The following CCAR1 variants were observed in gnomAD, a reference collection of about 807,000 sequenced individuals.
The protein encoded by CCAR1 is cell division cycle and apoptosis regulator 1, also known as cell division cycle and apoptosis regulator protein 1.
A neutral mutation model predicts 163.8 loss-of-function variants in CCAR1; 78 were observed. The observed-to-expected ratio is 0.48, with a 90% CI of 0.40 to 0.57. CCAR1 has a LOEUF of 0.57. CCAR1 is among the 20% of genes least tolerant of loss of function. The pLI is 0.00. For synonymous variants in CCAR1, 443 were observed against 460.7 expected, an observed-to-expected ratio of 0.96 and a Z score of 0.49; for missense variants, 1,019 against 1,365.2, an observed-to-expected ratio of 0.75 and a Z score of 4.00.
At chr10:68,762,322 C>CT (rs945650945) in intron 16 of CCAR1, among the ~76,000 whole-genome samples, 25 of 80,552 alleles carry the variant, frequency 3.1e-4, no homozygotes. Flanking sequence ...GAGTGAGACT[C>CT]TGTCTAAAAA....
intron 10 of CCAR1, among the ~76,000 whole-genome samples, chr10:68,751,606 T>G (rs1368467178): frequency 6.6e-6 from 1 of 151,190 alleles, no homozygotes; most frequent in Admixed American, 6.6e-5. Flanking sequence ...CTGACGCCTG[T>G]AATCCCAGCA....
chr10:68,760,019 A>T (rs564195793), intron 15 of CCAR1, among the ~76,000 whole-genome samples: 1 of 151,548 alleles, frequency 6.6e-6, no homozygotes, highest in Non-Finnish European at 1.5e-5. Context: ...TTCTAAAGAG[A>T]TGGGGTTTTG....
chr10:68,746,752 A>G (rs2056261206), intron 6 of CCAR1, among the ~76,000 whole-genome samples: 2 of 151,520 alleles, frequency 1.3e-5, no homozygotes, highest in Admixed American at 1.3e-4. Context: ...TAATTTTTGT[A>G]TTATTACTAG....
intron 1 of CCAR1, 110 bp downstream of exon 1, chr10:68,721,392 C>T (rs943514009): frequency 1.0e-5 from 3 of 285,934 alleles, no homozygotes; most frequent in African/African-American, 4.8e-5. Flanking sequence ...AGCCCGGCGG[C>T]CCCGGGCGGC....
intron 19 of CCAR1, among the ~76,000 whole-genome samples, chr10:68,781,683 C>CT (rs1401789929): frequency 2.0e-5 from 3 of 151,884 alleles, no homozygotes; most frequent in Non-Finnish European, 4.4e-5. Context: ...AGTGATACCC[C>CT]ATCTCTACAA....
At chr10:68,747,633 A>G in intron 8 of CCAR1, 67 bp downstream of exon 8, 1 of 1,409,882 alleles carries the variant, frequency 7.1e-7, no homozygotes, top group Non-Finnish European at 9.7e-7. Context: ...CTATGCTTTT[A>G]ATTACAAAAA....
At chr10:68,735,157 G>A (rs1193284789) in intron 2 of CCAR1, among the ~76,000 whole-genome samples, 2 of 152,084 alleles carry the variant, frequency 1.3e-5, no homozygotes, top group Non-Finnish European at 2.9e-5. Context: ...AGACCAGCCT[G>A]GGAAACATAA....
chr10:68,774,483 C>A (rs887022366), intron 19 of CCAR1, among the ~76,000 whole-genome samples: 1 of 151,632 alleles, frequency 6.6e-6, no homozygotes, highest in Admixed American at 6.6e-5. Flanking sequence ...ACTAAAAATA[C>A]AAAAAATTAG....
intron 19 of CCAR1, among the ~76,000 whole-genome samples, chr10:68,781,403 C>CGCG (rs1285508581): frequency 3.3e-5 from 5 of 149,348 alleles, no homozygotes; most frequent in Non-Finnish European, 7.4e-5. Flanking sequence ...ATTAGCCGGG[C>CGCG]GTGGTGGCGG....
chr10:68,727,307 G>GCT (rs2055963133), intron 2 of CCAR1, among the ~76,000 whole-genome samples: 1 of 151,850 alleles, frequency 6.6e-6, no homozygotes, highest in Non-Finnish European at 1.5e-5. Flanking sequence ...GAATTCCTGA[G>GCT]CTCAGACAAT....
chr10:68,725,577 G>C (rs576891507), intron 2 of CCAR1, among the ~76,000 whole-genome samples: 2 of 151,424 alleles, frequency 1.3e-5, no homozygotes, highest in Admixed American at 6.6e-5. Flanking sequence ...TTTTTTACTT[G>C]AATGAAACCA....
chr10:68,765,654 T>A (rs2056526920), intron 16 of CCAR1, among the ~76,000 whole-genome samples: 1 of 152,164 alleles, frequency 6.6e-6, no homozygotes, highest in Non-Finnish European at 1.5e-5. Flanking sequence ...TACAAGGCAG[T>A]TTCTTATGCT....
intron 2 of CCAR1, among the ~76,000 whole-genome samples, chr10:68,723,018 G>T (rs559503899): frequency 6.6e-6 from 1 of 151,926 alleles, no homozygotes; most frequent in Non-Finnish European, 1.5e-5. Flanking sequence ...TCTCTGTGAA[G>T]CTCCTTTAAA....
Position 68,786,201 on chromosome 10 carries a change from A to T in CCAR1, c.2716A>T (p.Arg906Trp). Residue 906 changes from arginine (R) to tryptophan (W), a missense_variant, in exon 20 of 25, where the codon AGG (arginine) becomes TGG (tryptophan). This residue lies in a region of CCAR1 where 358 missense variants were observed against 406.4 expected (regional missense o/e 0.88). Coordinates refer to ENST00000265872, the MANE Select transcript of CCAR1 (RefSeq NM_018237.4). Reference protein sequence around the residue: ...KRDINRYCKERPSKDKEKEKT... With the variant: ...KRDINRYCKEWPSKDKEKEKT... The stretch of plus-strand genomic sequence containing the variant: ...AGATATCAACAGATACTGCAAGGAG[A>T]GGCCCTCTAAAGATAAGGTGTTTAT... 1 of 1,607,420 alleles carries T rather than the reference A, an allele frequency of 6.2e-7. No individual in the cohort carries two copies. Among genetic ancestry groups the T allele is most frequent in the Middle Eastern group, 1.7e-4 (1 of 5,814 alleles).
Position 68,740,627 on chromosome 10 carries a change from A to G in CCAR1, c.292-2A>G, listed in dbSNP as rs1201853982. ...TGTGTGTGTTTATTTTTCTGTTTTC[A>G]GTTACAGCAACCCCAGCAAACCCTC... On this transcript the variant is annotated splice_acceptor_variant, in intron 4 of 24. Coordinates refer to ENST00000265872, the MANE Select transcript of CCAR1 (RefSeq NM_018237.4). LOFTEE classifies it high-confidence loss of function. 3.1e-6 allele frequency: 5 copies of G among 1,610,826 alleles called. No homozygotes were observed. The highest frequency in any genetic ancestry group is 4.2e-6 in the Non-Finnish European group (5 of 1,178,258).
intron 16 of CCAR1, 73 bp downstream of exon 16, chr10:68,761,265 T>G (rs1304353606): frequency 7.1e-6 from 5 of 704,042 alleles, no homozygotes; most frequent in Non-Finnish European, 1.1e-5. Context: ...AATACGTGAG[T>G]TAAGATTATG....
In CCAR1 at chr10:68,789,909, C is replaced by G. The variant is rs1164584364; in HGVS notation, c.3387C>G (p.Leu1129=). The part of the protein sequence containing the change: ...STVMDEIHTV[L]KKDNVKNEDK... ...TAATGGATGAAATCCACACTGTTCTCAAGAAGGTGAGAAATTTTGTACTTT... is the reference window on the plus strand; with the variant it reads ...TAATGGATGAAATCCACACTGTTCTGAAGAAGGTGAGAAATTTTGTACTTT... Residue 1129 remains leucine (L), a synonymous_variant, in exon 24 of 25, where the codon CTC becomes CTG. Transcript: ENST00000265872. 3 of 1,544,298 alleles carry G rather than the reference C, an allele frequency of 1.9e-6. No individual in the cohort carries two copies. The highest frequency in any genetic ancestry group is 2.3e-5 in the East Asian group (1 of 43,722).
At chr10:68,765,603 T>G (rs2056526113) in intron 16 of CCAR1, among the ~76,000 whole-genome samples, 1 of 152,196 alleles carries the variant, frequency 6.6e-6, no homozygotes, top group South Asian at 2.1e-4. Flanking sequence ...GAGAATTTTC[T>G]AATTTATATA....
At chr10:68,750,083 A>G (rs1361259485) in intron 10 of CCAR1, among the ~76,000 whole-genome samples, 1 of 152,194 alleles carries the variant, frequency 6.6e-6, no homozygotes, top group African/African-American at 2.4e-5. Context: ...AGAAACATTG[A>G]TATGCGTATA....
Sources: gnomAD v4.1 joint callset for allele counts (sites outside exome capture counted in the v4.1 genomes callset) on GRCh38, gnomAD v4.1.1 for gene constraint, gnomAD v4.1.1 regional missense constraint, MANE v1.5 for transcripts, NCBI Gene and HGNC (gene_info 2026-07-23, HGNC 2026-07-21) for gene names.